Variants in DYSF observed in about 807,000 individuals in gnomAD.
DYSF encodes dystrophy-associated fer-1-like 1.
In DYSF, 212 loss-of-function variants were observed where a neutral mutation model predicts 274.9. The ratio of observed to expected loss-of-function variants is 0.77; its 90% CI spans 0.69 to 0.86. The LOEUF is 0.86. Among genes scored for constraint, DYSF ranks in the 40% least tolerant of loss-of-function variants. The pLI is 0.00. For missense variants in DYSF, 2,666 were observed against 2,783.2 expected, an observed-to-expected ratio of 0.96 and a Z score of 0.95; for synonymous variants, 1,091 against 1,078.7, an observed-to-expected ratio of 1.01 and a Z score of -0.22.
At chr2:71,593,976 C>A (rs1423559824) in intron 32 of DYSF, among the ~76,000 whole-genome samples, 1 of 152,170 alleles carries the variant, frequency 6.6e-6, no homozygotes, top group Non-Finnish European at 1.5e-5. Context: ...GGGGTGAGTA[C>A]CTCTCAAGAA....
intron 48 of DYSF, among the ~76,000 whole-genome samples, chr2:71,667,949 G>A (rs2095047053): frequency 6.6e-6 from 1 of 152,122 alleles, no homozygotes; most frequent in Non-Finnish European, 1.5e-5. Flanking sequence ...AAATGACAAA[G>A]CCACCCACAG....
At chr2:71,660,421 C>T (rs935331407) in intron 44 of DYSF, 139 bp from the exon 45 acceptor site, 1 of 738,106 alleles carries the variant, frequency 1.4e-6, no homozygotes, top group African/African-American at 1.7e-5. Flanking sequence ...GGGAGGGGGC[C>T]CTGTCTTGGC....
At chr2:71,510,259 A>T (rs11690862) in intron 4 of DYSF, among the ~76,000 whole-genome samples, 1 of 152,144 alleles carries the variant, frequency 6.6e-6, no homozygotes, top group Admixed American at 6.5e-5. Flanking sequence ...TAAAAGTGCA[A>T]ATACCCAGGC....
intron 49 of DYSF, 125 bp downstream of exon 49, chr2:71,668,967 G>A: frequency 7.6e-7 from 1 of 1,322,806 alleles, no homozygotes. Flanking sequence ...ATGGAATACA[G>A]TTCTCGTTTG....
At chr2:71,456,320 T>C (rs2081061400) in intron 1 of DYSF, among the ~76,000 whole-genome samples, 2 of 151,936 alleles carry the variant, frequency 1.3e-5, no homozygotes, top group South Asian at 4.2e-4. Flanking sequence ...GGGAATGCAG[T>C]CCCTCCCCTC....
chr2:71,592,549 G>A (rs913783505), intron 32 of DYSF, among the ~76,000 whole-genome samples: 5 of 152,230 alleles, frequency 3.3e-5, no homozygotes, highest in South Asian at 2.1e-4. Flanking sequence ...GGCGGCTGGC[G>A]GCCGGAGGCT....
chr2:71,592,643 G>A (rs1484798148), intron 32 of DYSF, among the ~76,000 whole-genome samples: 2 of 152,240 alleles, frequency 1.3e-5, no homozygotes, highest in Non-Finnish European at 2.9e-5. Context: ...GCCTGGCACA[G>A]TGTCTGTCAC....
intron 1 of DYSF, among the ~76,000 whole-genome samples, chr2:71,479,662 A>G (rs1473160084): frequency 1.3e-5 from 2 of 152,030 alleles, no homozygotes; most frequent in Non-Finnish European, 2.9e-5. Flanking sequence ...TGCCCACCTC[A>G]CTGGGGACAG....
chr2:71,467,051 T>A, intron 1 of DYSF, 118 bp downstream of exon 1: 1 of 1,399,490 alleles, frequency 7.1e-7, no homozygotes, highest in Non-Finnish European at 9.6e-7. Flanking sequence ...AGTTTCTCCC[T>A]TTGTCAGCAG....
intron 24 of DYSF, among the ~76,000 whole-genome samples, chr2:71,566,703 A>G (rs904493845): frequency 3.3e-5 from 5 of 152,172 alleles, no homozygotes; most frequent in African/African-American, 1.2e-4. Flanking sequence ...TTTGGAGGGT[A>G]AAGGCAGTTA....
Position 71,589,624 on chromosome 2 carries a change from C to G in DYSF, c.3434C>G (p.Ser1145Cys). 1 of 1,614,138 alleles carries G rather than the reference C, an allele frequency of 6.2e-7. No individual in the cohort carries two copies. Residue 1145 changes from serine (S) to cysteine (C), a missense_variant, in exon 31 of 56, where the codon TCC (serine) becomes TGC (cysteine). Transcript: ENST00000410020. ...GTGATGGATGACAAGAGTGAAGATT[C>G]CATGTCCGTCTCCACCTTGAGCTTC... ...GGVMDDKSED[S>C]MSVSTLSFGV...
chr2:71,522,521 T>C (rs749624064), intron 12 of DYSF, among the ~76,000 whole-genome samples: 2 of 152,176 alleles, frequency 1.3e-5, no homozygotes, highest in African/African-American at 2.4e-5. Flanking sequence ...TCAAATTCGA[T>C]GTTGCAGTTC....
chr2:71,526,405 T>TGGGGGGGGGGGG, intron 13 of DYSF, 59 bp downstream of exon 13: 4 of 370,346 alleles, frequency 1.1e-5, no homozygotes, highest in Non-Finnish European at 7.7e-6. Flanking sequence ...GCAGGGCTGG[T>TGGGGGGGGGGGG]GGGGGTGGGC....
At chr2:71,619,131 C>G (rs1159329519) in intron 40 of DYSF, among the ~76,000 whole-genome samples, 1 of 152,084 alleles carries the variant, frequency 6.6e-6, no homozygotes, top group African/African-American at 2.4e-5. Context: ...TTCCCTCTCA[C>G]CTTTCTAAAA....
At chr2:71,560,231 T>C (rs1440094708) in intron 22 of DYSF, among the ~76,000 whole-genome samples, 3 of 152,208 alleles carry the variant, frequency 2.0e-5, no homozygotes, top group Admixed American at 1.3e-4. Context: ...TAAATGTTTC[T>C]TGGGGAGTCT....
intron 10 of DYSF, among the ~76,000 whole-genome samples, chr2:71,519,193 A>T (rs370610327): frequency 6.6e-6 from 1 of 151,348 alleles, no homozygotes; most frequent in Admixed American, 6.6e-5. Flanking sequence ...TTCTCAAATC[A>T]TTGCCTGTGG....
intron 45 of DYSF, 100 bp downstream of exon 45, chr2:71,660,751 T>G: frequency 1.3e-5 from 13 of 1,033,196 alleles, no homozygotes; most frequent in Non-Finnish European, 1.8e-5. Flanking sequence ...TCCGTATCTC[T>G]TGGAGCAAAA....
intron 41 of DYSF, 141 bp from the exon 42 acceptor site, chr2:71,643,822 CCT>C (rs2094524675): frequency 2.8e-6 from 2 of 720,760 alleles, no homozygotes; most frequent in Non-Finnish European, 5.1e-6. Context: ...GCGGAGGTTT[CCT>C]CTCTCTGCTC....
At chr2:71,470,463 G>T (rs911404851) in intron 1 of DYSF, among the ~76,000 whole-genome samples, 5 of 152,034 alleles carry the variant, frequency 3.3e-5, no homozygotes, top group Non-Finnish European at 5.9e-5. Context: ...ATGAGGTCAG[G>T]AGATCGAGAC....
Sources: allele counts gnomAD v4.1 joint callset (sites outside exome capture counted in the v4.1 genomes callset), GRCh38; gene constraint gnomAD v4.1.1; transcripts MANE v1.5; gene names NCBI Gene and HGNC (gene_info 2026-07-23, HGNC 2026-07-21).